The following ITGAE variants were observed in gnomAD, a reference collection of about 807,000 sequenced individuals.
ITGAE encodes integrin alpha-E.
In ITGAE, 99 loss-of-function variants were observed where a neutral mutation model predicts 136.5. The ratio of observed to expected loss-of-function variants is 0.73; its 90% CI spans 0.62 to 0.86. The LOEUF is 0.86. ITGAE is among the 40% of genes least tolerant of loss of function. The pLI is 0.00. For synonymous variants in ITGAE, 613 were observed against 591.8 expected, an observed-to-expected ratio of 1.04 and a Z score of -0.52; for missense variants, 1,447 against 1,515.3, an observed-to-expected ratio of 0.95 and a Z score of 0.75.
intron 1 of ITGAE, among the ~76,000 whole-genome samples, chr17:3,800,222 G>A (rs2053218551): frequency 6.6e-6 from 1 of 152,184 alleles, no homozygotes; most frequent in South Asian, 2.1e-4. Flanking sequence ...GGGTGATCTG[G>A]CCCCAGGTGG....
intron 30 of ITGAE, among the ~76,000 whole-genome samples, chr17:3,715,583 G>A (rs766898158): frequency 8.5e-5 from 13 of 152,168 alleles, no homozygotes; most frequent in Non-Finnish European, 1.8e-4. Flanking sequence ...GCAAGGTCAG[G>A]TGCTTATGCC....
chr17:3,797,157 ATTTTTTTTT>A (rs56101818), intron 1 of ITGAE, among the ~76,000 whole-genome samples: 3 of 94,436 alleles, frequency 3.2e-5, no homozygotes, highest in South Asian at 3.9e-4. Flanking sequence ...ATATATATAT[ATTTTTTTTT>A]TTTTTTTTTT....
In ITGAE at chr17:3,741,070, ATTTTTTTTTT is replaced by A. The variant is rs58434003; in HGVS notation, c.2449-1202_2449-1193del. Among the ~76,000 whole-genome samples, 127 of 76,792 alleles carry A rather than the reference ATTTTTTTTTT, an allele frequency of 1.7e-3. 1 individual carries two copies. The highest frequency in any genetic ancestry group is 6.5e-3 in the African/African-American group (117 of 18,064). 50.4% of individuals were successfully genotyped at this position (76,792 alleles called of 152,430 possible). A position where few individuals can be genotyped will look rare whatever the true frequency, so the allele number is the denominator to read the frequency against. On this transcript the variant is annotated intron_variant, in intron 19 of 30. Coordinates refer to ENST00000263087, the MANE Select transcript of ITGAE (RefSeq NM_002208.5). Reference sequence around the variant, plus strand: ...AGTTTCATGCAGGGTTTTTTGTTGTATTTTTTTTTTTTTTTTTTTTTTTTTGAGACGGAGT... The same window carrying A: ...AGTTTCATGCAGGGTTTTTTGTTGTATTTTTTTTTTTTTTTGAGACGGAGT...
chr17:3,786,066 C>T (rs1190493286), intron 1 of ITGAE, among the ~76,000 whole-genome samples: 4 of 150,434 alleles, frequency 2.7e-5, no homozygotes, highest in African/African-American at 9.8e-5. Flanking sequence ...ACTCGGGAGG[C>T]TGAGGCAGGA....
rs1385156486 is a variant in ITGAE at position 3,760,278 on chromosome 17, A to G, written c.608T>C (p.Ile203Thr). ...DEEEEEAGTE[I>T]AIILDGSGSI... is the part of the protein sequence containing the mutation. ...TCCTGAGCCATCCAGGATGATGGCA[A>G]TCTCGGTGCCTGGCCAAGACAAACA... The change falls in exon 7 of 31, where the codon ATT (isoleucine) becomes ACT (threonine). Residue 203 changes from isoleucine (I) to threonine (T), a missense_variant. Physicochemically the swap from Ile to Thr is moderately conservative, Grantham distance 89 (BLOSUM62 -1). Transcript: ENST00000263087. The G allele has an allele frequency of 1.2e-6, 2 of 1,610,608 alleles. No individual in the cohort carries two copies. Among genetic ancestry groups the G allele is most frequent in the Non-Finnish European group, 8.5e-7 (1 of 1,177,188 alleles).
In ITGAE at chr17:3,772,435, A is replaced by G. The variant is rs116807891; in HGVS notation, c.155+5105T>C. On this transcript the variant is annotated intron_variant, in intron 2 of 30. Transcript: ENST00000263087. ...ATGAATGAATGAATGAATTGGCCCC[A>G]TCCTTACCACTTAAATCTAATGGTG... 3.6e-3 allele frequency among the ~76,000 whole-genome samples: 547 copies of G among 149,924 alleles called. 5 individuals are homozygous for G. Among genetic ancestry groups the G allele is most frequent in the African/African-American group, 0.013 (520 of 40,768 alleles).
In ITGAE at chr17:3,723,394, G is replaced by C; in HGVS notation, c.3142-11C>G. Reference sequence around the variant, plus strand: ...CCATTCTTCCACATGCTGGAAAAGCGAGGTCTAGTGAACACAATTCCTTTC... The same window carrying C: ...CCATTCTTCCACATGCTGGAAAAGCCAGGTCTAGTGAACACAATTCCTTTC... On this transcript the variant is annotated splice_polypyrimidine_tract_variant and intron_variant, in intron 27 of 30. Transcript: ENST00000263087. The C allele has an allele frequency of 6.3e-7, 1 of 1,578,526 alleles. No homozygotes were observed. The highest frequency in any genetic ancestry group is 8.7e-7 in the Non-Finnish European group (1 of 1,147,682).
In ITGAE at chr17:3,739,880, T is replaced by C. The variant is rs1293348780; in HGVS notation, c.2449-2A>G. 1 of 1,613,306 alleles carries C rather than the reference T, an allele frequency of 6.2e-7. No individual in the cohort carries two copies. Among genetic ancestry groups the C allele is most frequent in the Non-Finnish European group, 8.5e-7 (1 of 1,179,320 alleles). ...CTTGCAGGCCTTCTCATAGGGCAGC[T>C]GTAACCAGACAGAGAGTCCCGATCA... is the stretch of plus-strand genomic sequence containing the variant. On this transcript the variant is annotated splice_acceptor_variant, in intron 19 of 30. Transcript: ENST00000263087. LOFTEE classifies it high-confidence loss of function.
In ITGAE at chr17:3,729,460, C is replaced by T; in HGVS notation, c.2912+18G>A. 6.5e-7 allele frequency: 1 copy of T among 1,549,292 alleles called. No individual in the cohort carries two copies. Among genetic ancestry groups the T allele is most frequent in the South Asian group, 1.1e-5 (1 of 89,672 alleles). ...GGCGATGGAGTCACACCGCTGCTGG[C>T]CTCTTGGGAGTACTCACTTGGACAG... On this transcript the variant is annotated intron_variant, in intron 24 of 30. Coordinates refer to ENST00000263087, the MANE Select transcript of ITGAE (RefSeq NM_002208.5).
intron 1 of ITGAE, among the ~76,000 whole-genome samples, chr17:3,797,431 C>T (rs146825309): frequency 0.02 from 2,942 of 148,780 alleles, 46 homozygotes; most frequent in South Asian, 0.028. Context: ...TCCTAAAGTG[C>T]TGGGATTACA....
At chr17:3,743,793 C>T (rs1773617812) in intron 18 of ITGAE, among the ~76,000 whole-genome samples, 176 bp from the exon 19 acceptor site, 1 of 148,940 alleles carries the variant, frequency 6.7e-6, no homozygotes, top group South Asian at 2.1e-4. Context: ...ACCTCCGCCT[C>T]CCGGGTTCAA....
chr17:3,777,063 C>T (rs2052559126), intron 2 of ITGAE, among the ~76,000 whole-genome samples: 1 of 151,278 alleles, frequency 6.6e-6, no homozygotes, highest in Non-Finnish European at 1.5e-5. Flanking sequence ...CGGGTTCACG[C>T]CATTCTCCTG....
chr17:3,773,335 A>G (rs1479974079), intron 2 of ITGAE, among the ~76,000 whole-genome samples: 2 of 152,188 alleles, frequency 1.3e-5, no homozygotes, highest in Non-Finnish European at 2.9e-5. Context: ...TACTAAAAAT[A>G]CAAAACTCAG....
rs1567534282 is a variant in ITGAE, at chr17:3,753,818, C to G, written c.1492G>C (p.Glu498Gln). Reference sequence around the variant, plus strand: ...TCCAGCACTGGCAGGAAGCTGGCCTCTCTGCCCTCCTTCTGGAGCTCAAAC... The same window carrying G: ...TCCAGCACTGGCAGGAAGCTGGCCTGTCTGCCCTCCTTCTGGAGCTCAAAC... ...AVFELQKEGR[E>Q]ASFLPVLEGE... The change falls in exon 13 of 31, where the codon GAG (glutamate) becomes CAG (glutamine). Residue 498 changes from glutamate to glutamine, a missense_variant. Transcript: ENST00000263087. 6.2e-7 allele frequency: 1 copy of G among 1,614,210 alleles called. No homozygotes were observed. Among genetic ancestry groups the G allele is most frequent in the Non-Finnish European group, 8.5e-7 (1 of 1,180,046 alleles).
At chr17:3,776,839 G>C (rs752268109) in intron 2 of ITGAE, among the ~76,000 whole-genome samples, 1 of 152,190 alleles carries the variant, frequency 6.6e-6, no homozygotes, top group Admixed American at 6.5e-5. Context: ...GATTACAGGC[G>C]TGAGCCACGG....
intron 20 of ITGAE, among the ~76,000 whole-genome samples, chr17:3,738,273 C>G (rs980100993): frequency 6.7e-6 from 1 of 149,744 alleles, no homozygotes; most frequent in East Asian, 2.0e-4. Context: ...CGAGTTTGAG[C>G]GATTCTCCTG....
At chr17:3,720,703 C>T in intron 28 of ITGAE, 1 of 212,804 alleles carries the variant, frequency 4.7e-6, no homozygotes, top group Non-Finnish European at 9.5e-6. Context: ...CTGCCTTAGC[C>T]TCCCGAGTAG....
intron 1 of ITGAE, among the ~76,000 whole-genome samples, chr17:3,793,273 C>T (rs1049939589): frequency 5.3e-5 from 8 of 152,058 alleles, no homozygotes; most frequent in African/African-American, 1.9e-4. Flanking sequence ...AGGCTGGTCT[C>T]CATCTCCTGA....
At chr17:3,742,016 G>T (rs1355096837) in intron 19 of ITGAE, among the ~76,000 whole-genome samples, 57 of 152,196 alleles carry the variant, frequency 3.7e-4, no homozygotes, top group Admixed American at 3.6e-3. Flanking sequence ...GGCAGAGGTT[G>T]CAGTGAGCCG....
Sources: gnomAD v4.1 joint callset for allele counts (sites outside exome capture counted in the v4.1 genomes callset) on GRCh38, gnomAD v4.1.1 for gene constraint, MANE v1.5 for transcripts, NCBI Gene and HGNC (gene_info 2026-07-23, HGNC 2026-07-21) for gene names.